Variants in PRLR observed in about 807,000 individuals in gnomAD.
The protein encoded by PRLR is prolactin receptor.
Under a neutral mutation model 40.2 loss-of-function variants are expected in PRLR, and 13 were observed. The observed-to-expected ratio is 0.32, with a 90% CI of 0.21 to 0.51. The LOEUF is 0.51. Among genes scored for constraint, PRLR ranks in the 20% least tolerant of loss-of-function variants. The probability of loss-of-function intolerance (pLI) is 0.97; values close to 1 mark genes in which losing one functional copy is unlikely to be tolerated. For missense variants in PRLR, 656 were observed against 747.3 expected, an observed-to-expected ratio of 0.88 and a Z score of 1.42; for synonymous variants, 269 against 278.7, an observed-to-expected ratio of 0.97 and a Z score of 0.35.
chr5:35,161,605 T>G (rs1455651432), intron 1 of PRLR, among the ~76,000 whole-genome samples: 1 of 152,234 alleles, frequency 6.6e-6, no homozygotes, highest in Non-Finnish European at 1.5e-5. Context: ...ACTTGCCAAG[T>G]ACTTTGTCTT....
intron 1 of PRLR, among the ~76,000 whole-genome samples, chr5:35,206,505 AT>A (rs1579802108): frequency 6.6e-6 from 1 of 152,108 alleles, no homozygotes; most frequent in East Asian, 1.9e-4. Context: ...AGTAACATGA[AT>A]AAAAAATGTT....
downstream of PRLR, among the ~76,000 whole-genome samples, chr5:35,052,718 C>T (rs191805286): frequency 3.2e-4 from 48 of 152,290 alleles, no homozygotes; most frequent in Non-Finnish European, 5.0e-4. Context: ...TCATAAGACC[C>T]CCTTTCCAGA....
intron 8 of PRLR, among the ~76,000 whole-genome samples, chr5:35,050,194 C>T (rs1031732208): frequency 2.8e-4 from 42 of 152,148 alleles, no homozygotes; most frequent in Admixed American, 1.8e-3. Context: ...CCACTGCGCC[C>T]GGCCGGACAA....
In PRLR at chr5:35,107,918, A is replaced by C. The variant is rs560086897; in HGVS notation, c.-44+10143T>G. Among the ~76,000 whole-genome samples, 15 of 152,170 alleles carry C rather than the reference A, an allele frequency of 9.9e-5. No homozygotes were observed. In the East Asian group the frequency reaches 2.9e-3, roughly 29 times the overall value. On this transcript the variant is annotated intron_variant, in intron 2 of 9. Coordinates refer to ENST00000618457, the MANE Select transcript of PRLR (RefSeq NM_000949.7). The stretch of plus-strand genomic sequence containing the variant: ...ATACCAAATCCTGGCAGAGACACAC[A>C]CAAAAAAGAGAATTTTAGACCAATA...
intron 1 of PRLR, among the ~76,000 whole-genome samples, chr5:35,160,005 G>A (rs1005147515): frequency 1.3e-5 from 2 of 152,144 alleles, no homozygotes; most frequent in Non-Finnish European, 2.9e-5. Context: ...TCTTGCAGGG[G>A]AAAAGTGACT....
intron 3 of PRLR, among the ~76,000 whole-genome samples, chr5:35,089,332 G>A (rs1366796362): frequency 6.6e-6 from 1 of 152,192 alleles, no homozygotes; most frequent in African/African-American, 2.4e-5. Context: ...CTCCTGAAAT[G>A]AGGACAAAAG....
exon 9 of PRLR, chr5:35,048,929 A>C: frequency 2.8e-6 from 1 of 355,194 alleles, no homozygotes; most frequent in South Asian, 2.1e-5. Context: ...AGATATCATT[A>C]ATCTTGGGTC....
chr5:35,102,762 C>T (rs1452745433), intron 2 of PRLR, among the ~76,000 whole-genome samples: 2 of 152,100 alleles, frequency 1.3e-5, no homozygotes, highest in Admixed American at 6.5e-5. Context: ...AGGCTGGTCT[C>T]GAACTCCTGA....
intron 1 of PRLR, among the ~76,000 whole-genome samples, chr5:35,144,348 A>G (rs562337851): frequency 2.0e-5 from 3 of 152,360 alleles, no homozygotes; most frequent in Non-Finnish European, 4.4e-5. Context: ...CTAGAGATGC[A>G]GGTAAACATA....
intron 1 of PRLR, among the ~76,000 whole-genome samples, chr5:35,193,363 C>T (rs564724102): frequency 1.3e-5 from 2 of 152,194 alleles, no homozygotes; most frequent in Non-Finnish European, 2.9e-5. Flanking sequence ...CATGTGAGCA[C>T]AAACACGGGT....
chr5:35,203,768 A>G (rs1775940165), intron 1 of PRLR, among the ~76,000 whole-genome samples: 1 of 152,168 alleles, frequency 6.6e-6, no homozygotes, highest in South Asian at 2.1e-4. Flanking sequence ...ACTAGTAGCA[A>G]AGCTCCCCTT....
chr5:35,075,985 T>G (rs1335090699), intron 5 of PRLR, among the ~76,000 whole-genome samples: 1 of 152,168 alleles, frequency 6.6e-6, no homozygotes, highest in Non-Finnish European at 1.5e-5. Context: ...TCCTGACTGT[T>G]AGAAGGAAAA....
rs547311124 is a variant in PRLR, at chr5:35,220,572, T to C, written c.-106+9696A>G. On this transcript the variant is annotated intron_variant, in intron 1 of 9. Coordinates refer to ENST00000618457, the MANE Select transcript of PRLR (RefSeq NM_000949.7). ...TTTTATTTATTGTTTGTTTTTAGTG[T>C]GGATATCTGTTTCCTCTTACTGGAA... Among the ~76,000 whole-genome samples, 4 of 152,328 alleles carry C rather than the reference T, an allele frequency of 2.6e-5. No individual in the cohort carries two copies. The East Asian group carries it at 7.7e-4, about 29-fold the overall frequency.
chr5:35,227,858 C>T (rs551160627), intron 1 of PRLR, among the ~76,000 whole-genome samples: 3 of 152,294 alleles, frequency 2.0e-5, no homozygotes, highest in African/African-American at 7.2e-5. Flanking sequence ...GCTGCAGGCA[C>T]AGCACTAGCT....
intron 3 of PRLR, among the ~76,000 whole-genome samples, chr5:35,088,639 G>A (rs1771006647): frequency 6.6e-6 from 1 of 152,104 alleles, no homozygotes; most frequent in East Asian, 1.9e-4. Flanking sequence ...TCCTTCATCT[G>A]CATTAGAGGA....
chr5:35,091,708 G>A lies in PRLR; in HGVS notation c.-43-2045C>T, dbSNP rs534875908. 4.6e-5 allele frequency among the ~76,000 whole-genome samples: 7 copies of A among 152,288 alleles called. No homozygotes were observed. The South Asian group carries it at 1.0e-3, about 23-fold the overall frequency. Reference sequence around the variant, plus strand: ...GAGTAGGGGCAGGAGAGCCAGAGCCGAGAGAGGCCTTCTCAGCTACTGCCC... The same window carrying A: ...GAGTAGGGGCAGGAGAGCCAGAGCCAAGAGAGGCCTTCTCAGCTACTGCCC... On this transcript the variant is annotated intron_variant, in intron 2 of 9. Transcript: ENST00000618457.
At chr5:35,216,322 T>C (rs1449724549) in intron 1 of PRLR, among the ~76,000 whole-genome samples, 1 of 151,620 alleles carries the variant, frequency 6.6e-6, no homozygotes, top group Non-Finnish European at 1.5e-5. Context: ...TTGAGTTCTT[T>C]GGTATATTCT....
chr5:35,095,440 G>A (rs1220565386), intron 2 of PRLR, among the ~76,000 whole-genome samples: 1 of 152,182 alleles, frequency 6.6e-6, no homozygotes, highest in Non-Finnish European at 1.5e-5. Context: ...TATTTGACAG[G>A]GGAATCTAAA....
chr5:35,166,994 G>C (rs1230924855), intron 1 of PRLR, among the ~76,000 whole-genome samples: 1 of 152,062 alleles, frequency 6.6e-6, no homozygotes, highest in East Asian at 1.9e-4. Context: ...CAATTGGCCT[G>C]ACATTCAAGA....
Sources: gnomAD v4.1 joint callset for allele counts (sites outside exome capture counted in the v4.1 genomes callset) on GRCh38, gnomAD v4.1.1 for gene constraint, MANE v1.5 for transcripts, NCBI Gene and HGNC (gene_info 2026-07-23, HGNC 2026-07-21) for gene names.